The following VIT variants were observed in gnomAD, a reference collection of about 807,000 sequenced individuals.
VIT encodes the protein vitrin.
In VIT, 99 loss-of-function variants were observed where a neutral mutation model predicts 78.0. The ratio of observed to expected loss-of-function variants is 1.27; its 90% CI spans 1.08 to 1.50. The LOEUF is 1.50. Ranked by LOEUF, VIT falls within the 40% of genes most tolerant of loss-of-function variation. The probability of loss-of-function intolerance (pLI) is 0.00; values close to 1 mark genes in which losing one functional copy is unlikely to be tolerated. For missense variants in VIT, 1,126 were observed against 875.3 expected, an observed-to-expected ratio of 1.29 and a Z score of -3.61; for synonymous variants, 374 against 334.3, an observed-to-expected ratio of 1.12 and a Z score of -1.29.
chr2:36,719,530 A>T (rs1666364253), intron 2 of VIT, among the ~76,000 whole-genome samples: 2 of 152,212 alleles, frequency 1.3e-5, no homozygotes, highest in East Asian at 3.8e-4. Flanking sequence ...ACCTCTATAC[A>T]CTAACAATGA....
At chr2:36,762,442 A>G (rs1480188875) in intron 6 of VIT, among the ~76,000 whole-genome samples, 1 of 152,098 alleles carries the variant, frequency 6.6e-6, no homozygotes, top group Non-Finnish European at 1.5e-5. Flanking sequence ...AGCATCTCCT[A>G]CGTGCAAGAC....
intron 1 of VIT, among the ~76,000 whole-genome samples, chr2:36,712,762 G>C (rs923957714): frequency 2.0e-5 from 3 of 152,238 alleles, no homozygotes; most frequent in Admixed American, 2.0e-4. Flanking sequence ...TTGAACCCGG[G>C]AGGTGGACGT....
At chr2:36,706,974 A>C (rs773330263) in intron 1 of VIT, among the ~76,000 whole-genome samples, 43 of 152,034 alleles carry the variant, frequency 2.8e-4, no homozygotes, top group Non-Finnish European at 4.7e-4. Flanking sequence ...CCTGCTCTGA[A>C]TTATAGGAAT....
At chr2:36,710,830 A>T (rs1341705588) in intron 1 of VIT, among the ~76,000 whole-genome samples, 2 of 152,194 alleles carry the variant, frequency 1.3e-5, no homozygotes, top group African/African-American at 4.8e-5. Flanking sequence ...CATCGTTCCC[A>T]GTTTGGAGCT....
chr2:36,699,132 C>T (rs6759415), intron 1 of VIT, among the ~76,000 whole-genome samples: 125,458 of 152,088 alleles, frequency 0.82, 52,666 homozygotes, highest in Middle Eastern at 0.95. Flanking sequence ...GTGAGCCAAG[C>T]ATCAGCAGCA....
intron 5 of VIT, among the ~76,000 whole-genome samples, chr2:36,757,281 A>G (rs1336448412): frequency 6.6e-6 from 1 of 152,192 alleles, no homozygotes; most frequent in Non-Finnish European, 1.5e-5. Context: ...TCCTTAACTA[A>G]TTCACTTTGG....
At chr2:36,795,621 A>T (rs1335492942) in intron 12 of VIT, among the ~76,000 whole-genome samples, 1 of 151,742 alleles carries the variant, frequency 6.6e-6, no homozygotes, top group Non-Finnish European at 1.5e-5. Flanking sequence ...CATCATATTG[A>T]TCAAGCTGGT....
In VIT at chr2:36,716,411, AAATG is replaced by A. The variant is rs1666139501; in HGVS notation, c.42_45del (p.Glu14AspfsTer7). The A allele has an allele frequency of 6.2e-7, 1 of 1,613,848 alleles. No individual in the cohort carries two copies. The highest frequency in any genetic ancestry group is 1.3e-5 in the African/African-American group (1 of 74,940). ...CTCACTATGAAGGCATCTGTTATTG[AAATG>A]TTCCTTGGTAAGTACTTTTATATGT... On this transcript the variant is annotated frameshift_variant, in exon 2 of 16. Transcript: ENST00000379242. LOFTEE classifies it high-confidence loss of function.
At chr2:36,697,187 G>A (rs62132513) in intron 1 of VIT, among the ~76,000 whole-genome samples, 4,352 of 152,180 alleles carry the variant, frequency 0.029, 85 homozygotes, top group Middle Eastern at 0.085. Flanking sequence ...AAACTGCATT[G>A]ATATTAATAT....
intron 9 of VIT, among the ~76,000 whole-genome samples, chr2:36,780,332 G>T (rs1664664288): frequency 6.6e-6 from 1 of 152,186 alleles, no homozygotes; most frequent in South Asian, 2.1e-4. Flanking sequence ...GAAGGAAAAA[G>T]AAAGCAAGCA....
chr2:36,807,109 G>C (rs1275472109), intron 14 of VIT, among the ~76,000 whole-genome samples: 1 of 152,084 alleles, frequency 6.6e-6, no homozygotes, highest in Non-Finnish European at 1.5e-5. Context: ...TCCCTCGCCT[G>C]ACGCCCCCTC....
At chr2:36,807,147 G>C (rs943874121) in intron 14 of VIT, among the ~76,000 whole-genome samples, 10 of 152,190 alleles carry the variant, frequency 6.6e-5, no homozygotes, top group Admixed American at 6.5e-4. Flanking sequence ...CCCTCCATCT[G>C]GTCCTTCTCC....
intron 12 of VIT, among the ~76,000 whole-genome samples, chr2:36,798,645 G>A (rs151201576): frequency 0.016 from 2,363 of 152,198 alleles, 32 homozygotes; most frequent in Non-Finnish European, 0.023. Flanking sequence ...TGTAATCCCA[G>A]CTACTCCAGA....
intron 6 of VIT, among the ~76,000 whole-genome samples, chr2:36,761,925 A>G (rs1383113932): frequency 1.3e-5 from 2 of 152,222 alleles, no homozygotes; most frequent in Non-Finnish European, 2.9e-5. Flanking sequence ...CTTTTCAGAT[A>G]AGGAAGCTGA....
chr2:36,743,349 T>C (rs1447348236), intron 4 of VIT, 93 bp downstream of exon 4: 1 of 1,301,040 alleles, frequency 7.7e-7, no homozygotes, highest in African/African-American at 1.5e-5. Context: ...CAAGCAAAAA[T>C]ATACAAATAT....
chr2:36,734,065 G>C (rs541207062), intron 3 of VIT, among the ~76,000 whole-genome samples: 1 of 152,210 alleles, frequency 6.6e-6, no homozygotes, highest in Admixed American at 6.5e-5. Flanking sequence ...AGCATCATCC[G>C]GGACCTTTCG....
chr2:36,784,963 A>G (rs914733928), intron 11 of VIT, among the ~76,000 whole-genome samples: 19 of 152,260 alleles, frequency 1.2e-4, no homozygotes, highest in African/African-American at 4.6e-4. Flanking sequence ...AAGCAAATAG[A>G]GAAACAGCTC....
At chr2:36,763,609 G>A (rs1473730402) in intron 6 of VIT, among the ~76,000 whole-genome samples, 1 of 78,542 alleles carries the variant, frequency 1.3e-5, no homozygotes, top group South Asian at 4.4e-4. Flanking sequence ...TTTTTTTTGA[G>A]ATGAAGTTTT....
At chr2:36,708,420 A>G (rs1268530788) in intron 1 of VIT, among the ~76,000 whole-genome samples, 1 of 152,318 alleles carries the variant, frequency 6.6e-6, no homozygotes, top group South Asian at 2.1e-4. Flanking sequence ...AACATTACAT[A>G]AATCCTACAT....
Sources: gnomAD v4.1 joint callset for allele counts (sites outside exome capture counted in the v4.1 genomes callset) on GRCh38, gnomAD v4.1.1 for gene constraint, MANE v1.5 for transcripts, NCBI Gene and HGNC (gene_info 2026-07-23, HGNC 2026-07-21) for gene names.